The following MXRA7 variants were observed in gnomAD, a reference collection of about 807,000 sequenced individuals.
MXRA7 encodes matrix remodeling associated 7.
In MXRA7, 18 loss-of-function variants were observed where a neutral mutation model predicts 17.4. The observed-to-expected ratio is 1.03, with a 90% CI of 0.71 to 1.53. The LOEUF is 1.53. Among genes scored for constraint, MXRA7 ranks in the 40% most tolerant of loss-of-function variants. The probability of loss-of-function intolerance (pLI) is 0.00; values close to 1 mark genes in which losing one functional copy is unlikely to be tolerated. For synonymous variants in MXRA7, 70 were observed against 101.7 expected (o/e 0.69, Z 1.87); for missense variants, 141 against 209.3 (o/e 0.67, Z 2.01).
At chr17:76,690,690 C>T (rs2076470897) in intron 1 of MXRA7, among the ~76,000 whole-genome samples, 1 of 152,080 alleles carries the variant, frequency 6.6e-6, no homozygotes, top group African/African-American at 2.4e-5. Flanking sequence ...TTTCGGCCCC[C>T]AGTTCTTGAC....
intron 1 of MXRA7, chr17:76,690,175 G>C (rs1485969837): frequency 6.6e-6 from 1 of 152,154 alleles, no homozygotes; most frequent in Non-Finnish European, 1.5e-5. Context: ...AAAATGCAGA[G>C]AAAAGGTTTG....
intron 1 of MXRA7, among the ~76,000 whole-genome samples, chr17:76,699,237 C>G (rs886400650): frequency 2.0e-5 from 3 of 152,130 alleles, no homozygotes; most frequent in African/African-American, 7.2e-5. Context: ...CTCAACCTCC[C>G]TGGGCTTAAG....
intron 1 of MXRA7, among the ~76,000 whole-genome samples, chr17:76,691,088 C>T (rs934275568): frequency 5.9e-5 from 9 of 152,156 alleles, no homozygotes; most frequent in African/African-American, 2.2e-4. Context: ...GAGCTTGGAA[C>T]TTTCAGCCCC....
intron 1 of MXRA7, among the ~76,000 whole-genome samples, chr17:76,703,306 C>T (rs1396474891): frequency 6.6e-6 from 1 of 152,138 alleles, no homozygotes. Context: ...ACATTAAATA[C>T]ACACATACAC....
intron 3 of MXRA7, among the ~76,000 whole-genome samples, chr17:76,682,968 G>T (rs945550806): frequency 6.6e-6 from 1 of 152,140 alleles, no homozygotes; most frequent in Non-Finnish European, 1.5e-5. Flanking sequence ...GGCAGCAGAG[G>T]GTCTACTCTC....
intron 1 of MXRA7, among the ~76,000 whole-genome samples, chr17:76,706,414 A>ACGCTGCCGT (rs1396271397): frequency 4.6e-5 from 7 of 150,878 alleles, no homozygotes; most frequent in East Asian, 2.0e-4. Context: ...ACAGAGGCCC[A>ACGCTGCCGT]CACTGCCATC....
At chr17:76,677,720 CA>C (rs749552857), downstream of MXRA7, 19 of 1,593,530 alleles carry the variant, frequency 1.2e-5, no homozygotes, top group South Asian at 2.1e-4. Flanking sequence ...GAAGAAAGGA[CA>C]AAGAGGAAGA....
intron 1 of MXRA7, among the ~76,000 whole-genome samples, chr17:76,701,598 T>G (rs539207891): frequency 1.1e-4 from 17 of 152,010 alleles, no homozygotes; most frequent in Middle Eastern, 3.4e-3. Flanking sequence ...GCAGTTGATA[T>G]TATGGGCATG....
intron 1 of MXRA7, among the ~76,000 whole-genome samples, chr17:76,708,949 GAGCACCCATTC>G (rs1484166098): frequency 7.9e-5 from 12 of 152,192 alleles, no homozygotes; most frequent in Non-Finnish European, 1.3e-4. Flanking sequence ...TTGTCCTTCA[GAGCACCCATTC>G]AGCTTCAGAG....
chr17:76,692,375 T>C (rs1489785991), intron 1 of MXRA7, among the ~76,000 whole-genome samples: 1 of 151,880 alleles, frequency 6.6e-6, no homozygotes, highest in African/African-American at 2.4e-5. Flanking sequence ...TGCCTCAGCC[T>C]CCCGAGTAGC....
intron 1 of MXRA7, among the ~76,000 whole-genome samples, chr17:76,707,017 A>G (rs1356955503): frequency 1.3e-5 from 2 of 152,188 alleles, no homozygotes; most frequent in African/African-American, 4.8e-5. Flanking sequence ...TCCTAAGGAT[A>G]AGGACATTGT....
chr17:76,683,344 G>A (rs1467173431), intron 3 of MXRA7, among the ~76,000 whole-genome samples: 1 of 152,234 alleles, frequency 6.6e-6, no homozygotes, highest in Middle Eastern at 3.2e-3. Context: ...GATTGGCACA[G>A]GCAGGTGGGG....
At chr17:76,701,997 C>T (rs1411592557) in intron 1 of MXRA7, among the ~76,000 whole-genome samples, 1 of 152,190 alleles carries the variant, frequency 6.6e-6, no homozygotes, top group Non-Finnish European at 1.5e-5. Flanking sequence ...AACAACAAAA[C>T]ACTCTTGGGC....
intron 1 of MXRA7, among the ~76,000 whole-genome samples, chr17:76,693,490 A>AG (rs1441549288): frequency 6.6e-5 from 10 of 151,196 alleles, no homozygotes; most frequent in African/African-American, 1.5e-4. Context: ...AAAAAAAAAA[A>AG]AAAGAAAAAG....
chr17:76,710,624 T>A lies in MXRA7; in HGVS notation c.323A>T (p.Gln108Leu), dbSNP rs539341681. 2.5e-5 allele frequency: 35 copies of A among 1,383,618 alleles called. No individual in the cohort carries two copies. In the East Asian group the frequency reaches 3.5e-4, roughly 14 times the overall value. 85.7% of individuals were successfully genotyped at this position (1,383,618 alleles called of 1,614,324 possible). A position where few individuals can be genotyped will look rare whatever the true frequency, so the allele number is the denominator to read the frequency against. The change falls in exon 1 of 4, where the codon CAG becomes CTG. Residue 108 changes from glutamine to leucine, a missense_variant. Gln to Leu is a moderately radical substitution (Grantham distance 113, BLOSUM62 -2). Transcript: ENST00000449428. Reference sequence around the variant, plus strand: ...GCGTACCTGCCTCGCCTCCACCGCCTGCTCCTCCGCCTCCGCTGGCGCCGC... The same window carrying A: ...GCGTACCTGCCTCGCCTCCACCGCCAGCTCCTCCGCCTCCGCTGGCGCCGC... ...PAAAPAEAEE[Q>L]AVEARQEEEQ...
chr17:76,700,414 A>G (rs751487225), intron 1 of MXRA7, among the ~76,000 whole-genome samples: 1 of 149,814 alleles, frequency 6.7e-6, no homozygotes, highest in South Asian at 2.1e-4. Context: ...GAAACTCACT[A>G]CCTTACAGAG....
At chr17:76,693,198 G>A (rs1462479117) in intron 1 of MXRA7, among the ~76,000 whole-genome samples, 2 of 152,168 alleles carry the variant, frequency 1.3e-5, no homozygotes, top group African/African-American at 2.4e-5. Context: ...GGCTGGGCGC[G>A]GTGGCTCATG....
At chr17:76,677,737 C>T (rs753501499), downstream of MXRA7, 2 of 1,518,944 alleles carry the variant, frequency 1.3e-6, no homozygotes, top group Non-Finnish European at 1.8e-6. Context: ...GAAGAAGGTG[C>T]TCCTAGCCCA....
downstream of MXRA7, among the ~76,000 whole-genome samples, chr17:76,678,977 G>A (rs896135252): frequency 6.6e-6 from 1 of 152,152 alleles, no homozygotes; most frequent in Non-Finnish European, 1.5e-5. Context: ...AGCAGCCTAT[G>A]ATGTGTGCTT....
Sources: gnomAD v4.1 joint callset for allele counts (sites outside exome capture counted in the v4.1 genomes callset) on GRCh38, gnomAD v4.1.1 for gene constraint, MANE v1.5 for transcripts, NCBI Gene and HGNC (gene_info 2026-07-23, HGNC 2026-07-21) for gene names.